Variants in MPHOSPH9 observed in about 807,000 individuals in gnomAD.
The protein encoded by MPHOSPH9 is M-phase phosphoprotein 9.
MPHOSPH9 carries 88 observed loss-of-function variants against 145.5 expected under a neutral mutation model. That is an observed-to-expected ratio of 0.60 (90% CI 0.51 to 0.72). The LOEUF (loss-of-function observed/expected upper bound fraction) is 0.72, where lower values mean the gene tolerates loss of function less well. MPHOSPH9 is among the 30% of genes least tolerant of loss of function. MPHOSPH9 has a pLI of 0.00. For missense variants in MPHOSPH9, 1,238 were observed against 1,386.6 expected (o/e 0.89, Z 1.70); for synonymous variants, 435 against 486.2 (o/e 0.89, Z 1.39).
intron 1 of MPHOSPH9, among the ~76,000 whole-genome samples, chr12:123,239,691 C>T (rs1352496898): frequency 2.6e-5 from 4 of 152,172 alleles, no homozygotes; most frequent in Non-Finnish European, 4.4e-5. Flanking sequence ...CGTGAGCTAC[C>T]GCGCCCAGCC....
intron 16 of MPHOSPH9, among the ~76,000 whole-genome samples, chr12:123,172,011 C>T (rs1565907039): frequency 1.3e-5 from 2 of 152,180 alleles, no homozygotes; most frequent in Non-Finnish European, 2.9e-5. Context: ...ACTATGTTTG[C>T]ATGAACCCAT....
chr12:123,181,839 T>G (rs2045167101), intron 13 of MPHOSPH9, among the ~76,000 whole-genome samples: 1 of 152,026 alleles, frequency 6.6e-6, no homozygotes, highest in Non-Finnish European at 1.5e-5. Flanking sequence ...GCAGTGAGAT[T>G]GCACCACTGC....
At chr12:123,157,545 A>G (rs1365483547) in intron 23 of MPHOSPH9, among the ~76,000 whole-genome samples, 2 of 152,148 alleles carry the variant, frequency 1.3e-5, no homozygotes, top group Middle Eastern at 6.4e-3. Flanking sequence ...CAATGGCATG[A>G]TCATAGCTTA....
At chr12:123,182,487 C>G (rs1479848198) in intron 13 of MPHOSPH9, among the ~76,000 whole-genome samples, 1 of 151,130 alleles carries the variant, frequency 6.6e-6, no homozygotes, top group Non-Finnish European at 1.5e-5. Context: ...CTCAAGTGAT[C>G]CACATGCCTT....
intron 22 of MPHOSPH9, 41 bp from the exon 23 acceptor site, chr12:123,160,890 G>A (rs2044076694): frequency 6.3e-7 from 1 of 1,592,638 alleles, no homozygotes; most frequent in Non-Finnish European, 8.6e-7. Context: ...TTACTGGCAG[G>A]GAGGTTTATC....
At position 123,203,010 on chromosome 12, in the gene MPHOSPH9, CG is replaced by C; in HGVS notation, c.1394del (p.Pro465ArgfsTer16). On this transcript the variant is annotated frameshift_variant, in exon 10 of 24. Transcript: ENST00000606320. LOFTEE classifies it high-confidence loss of function. ...QISGIQPHGL[P>X]NALDDRISFS... ...AGGATATTCTGTCATCAAGGGCATTCGGAAGGCCGTGAGGTTGAATCCCTGA... is the reference window on the plus strand; with the variant it reads ...AGGATATTCTGTCATCAAGGGCATTCGAAGGCCGTGAGGTTGAATCCCTGA... 1 of 1,614,158 alleles carries C rather than the reference CG, an allele frequency of 6.2e-7. No homozygotes were observed. The highest frequency in any genetic ancestry group is 8.5e-7 in the Non-Finnish European group (1 of 1,180,040).
intron 13 of MPHOSPH9, among the ~76,000 whole-genome samples, chr12:123,194,039 C>T (rs1030000567): frequency 1.1e-4 from 17 of 152,004 alleles, no homozygotes; most frequent in Non-Finnish European, 1.9e-4. Flanking sequence ...GAGGCTGAGG[C>T]GGGCGGATCA....
At chr12:123,194,095 C>A (rs2045833036) in intron 13 of MPHOSPH9, among the ~76,000 whole-genome samples, 1 of 152,040 alleles carries the variant, frequency 6.6e-6, no homozygotes, top group Non-Finnish European at 1.5e-5. Context: ...ATGGGGAAAC[C>A]CTGTCTTTAC....
At chr12:123,189,588 A>C (rs547944914) in intron 13 of MPHOSPH9, among the ~76,000 whole-genome samples, 3 of 152,194 alleles carry the variant, frequency 2.0e-5, no homozygotes, top group African/African-American at 7.2e-5. Flanking sequence ...TGCTACTACT[A>C]CATGTATCCA....
At chr12:123,166,474 C>T (rs937611601) in intron 17 of MPHOSPH9, 181 bp downstream of exon 17, 1 of 721,194 alleles carries the variant, frequency 1.4e-6, no homozygotes, top group South Asian at 1.8e-5. Context: ...GGAAGCTTGG[C>T]AGAGCTCATG....
chr12:123,162,133 G>A lies in MPHOSPH9; in HGVS notation c.3115C>T (p.Pro1039Ser). Reference sequence around the variant, plus strand: ...AAGATACCTTCCGAGTCATCTAGAGGAAGAAACTGGAGTTGCTTTCTTGGA... The same window carrying A: ...AAGATACCTTCCGAGTCATCTAGAGAAAGAAACTGGAGTTGCTTTCTTGGA... The part of the protein sequence containing the change: ...TNPRKQLQFL[P>S]LDDSEEKTYS... Residue 1039 changes from proline to serine, a missense_variant, in exon 21 of 24, where the codon CCT becomes TCT. Around this residue, in one of 3 missense-constraint regions of MPHOSPH9, gnomAD observed 393 missense variants for 462.5 expected, o/e 0.85. Transcript: ENST00000606320. 1 of 1,575,010 alleles carries A rather than the reference G, an allele frequency of 6.3e-7. No homozygotes were observed. Among genetic ancestry groups the A allele is most frequent in the Non-Finnish European group, 8.6e-7 (1 of 1,156,942 alleles).
At chr12:123,170,289 C>T (rs993000126) in intron 16 of MPHOSPH9, among the ~76,000 whole-genome samples, 48 of 151,978 alleles carry the variant, frequency 3.2e-4, no homozygotes, top group African/African-American at 1.1e-3. Flanking sequence ...ATGACAGCTG[C>T]GTGCCACCAC....
intron 3 of MPHOSPH9, 146 bp downstream of exon 3, chr12:123,227,317 C>G (rs1422269734): frequency 3.7e-6 from 2 of 536,536 alleles, no homozygotes; most frequent in Non-Finnish European, 6.0e-6. Flanking sequence ...CAATATCATT[C>G]CCAAATTAAT....
At chr12:123,204,902 C>G (rs899802543) in intron 8 of MPHOSPH9, among the ~76,000 whole-genome samples, 1 of 152,012 alleles carries the variant, frequency 6.6e-6, no homozygotes, top group African/African-American at 2.4e-5. Flanking sequence ...AAGATAGGAC[C>G]CTAATTTCGA....
intron 3 of MPHOSPH9, among the ~76,000 whole-genome samples, chr12:123,225,287 T>C (rs2138640181): frequency 7.1e-6 from 1 of 141,080 alleles, no homozygotes; most frequent in Middle Eastern, 3.6e-3. Flanking sequence ...CAACAAAAAA[T>C]GCAAAAATTA....
chr12:123,229,112 C>T (rs1054935810), intron 2 of MPHOSPH9, among the ~76,000 whole-genome samples: 2 of 152,144 alleles, frequency 1.3e-5, no homozygotes, highest in Non-Finnish European at 2.9e-5. Flanking sequence ...AGAGAATTAA[C>T]AACTTTTAAA....
chr12:123,233,247 TCCAA>T (rs942338136), upstream of MPHOSPH9: 35 of 152,188 alleles, frequency 2.3e-4, no homozygotes, highest in African/African-American at 8.0e-4. Context: ...CTCGCGCAGC[TCCAA>T]CCAAAGAGAG....
At chr12:123,204,833 C>A (rs1041994986) in intron 8 of MPHOSPH9, among the ~76,000 whole-genome samples, 7 of 152,130 alleles carry the variant, frequency 4.6e-5, no homozygotes, top group African/African-American at 1.4e-4. Context: ...TGGGATCATG[C>A]CACTGTACTC....
At chr12:123,233,735 G>C (rs912283633), upstream of MPHOSPH9, 1 of 152,288 alleles carries the variant, frequency 6.6e-6, no homozygotes. Context: ...CCTGGTTTAC[G>C]CTAGGTGCTG....
Sources: gnomAD v4.1 joint callset for allele counts (sites outside exome capture counted in the v4.1 genomes callset) on GRCh38, gnomAD v4.1.1 for gene constraint, gnomAD v4.1.1 regional missense constraint, MANE v1.5 for transcripts, NCBI Gene and HGNC (gene_info 2026-07-23, HGNC 2026-07-21) for gene names.